Variants in MAP3K9 observed in about 807,000 individuals in gnomAD.
MAP3K9 encodes mitogen-activated protein kinase kinase kinase 9, also known as mixed lineage kinase 1 (tyr and ser/thr specificity).
A neutral mutation model predicts 95.8 loss-of-function variants in MAP3K9; 46 were observed. The observed-to-expected ratio is 0.48, with a 90% CI of 0.38 to 0.61. The LOEUF (loss-of-function observed/expected upper bound fraction) is 0.61. Among genes scored for constraint, MAP3K9 ranks in the 20% least tolerant of loss-of-function variants. The probability of loss-of-function intolerance (pLI) is 0.00; values close to 1 mark genes in which losing one functional copy is unlikely to be tolerated. For missense variants in MAP3K9, 1,296 were observed against 1,474.3 expected (o/e 0.88, Z 1.98); for synonymous variants, 533 against 593.8 (o/e 0.90, Z 1.49).
rs1438575044 is a variant in MAP3K9 at position 70,724,362 on chromosome 14, C to G, written c.*6018G>C. The G allele has an allele frequency of 6.6e-6, 1 of 152,062 alleles. No individual in the cohort carries two copies. Among genetic ancestry groups the G allele is most frequent in the African/African-American group, 2.4e-5 (1 of 41,398 alleles). The allele number at this position is 152,062 out of a possible 1,614,324, so 9.4% of individuals were successfully genotyped here. Reference sequence around the variant, plus strand: ...AAGCCTACACACTCCTATTTAAATGCGAGCACCGCCAGAGAGCCACTGCCT... The same window carrying G: ...AAGCCTACACACTCCTATTTAAATGGGAGCACCGCCAGAGAGCCACTGCCT... On this transcript the variant is annotated 3_prime_UTR_variant, in exon 12 of 12. Transcript: ENST00000554752.
chr14:70,739,967 G>C (rs1253371176), intron 7 of MAP3K9, 75 bp downstream of exon 7: 85 of 1,614,104 alleles, frequency 5.3e-5, no homozygotes, highest in Non-Finnish European at 7.2e-5. Context: ...GCCTGGACCA[G>C]TCGGTGGCTG....
chr14:70,762,386 T>A (rs2054388189), intron 2 of MAP3K9, among the ~76,000 whole-genome samples: 1 of 152,180 alleles, frequency 6.6e-6, no homozygotes. Flanking sequence ...TTTCTCCACA[T>A]CCTCACGAAT....
At chr14:70,765,735 TAA>T (rs10523480) in intron 2 of MAP3K9, among the ~76,000 whole-genome samples, 38,528 of 122,136 alleles carry the variant, frequency 0.32, 5,707 homozygotes, top group East Asian at 0.36. Context: ...CAACAACAGC[TAA>T]AAAAAAAAAA....
At chr14:70,747,686 G>GC (rs1453041683) in intron 5 of MAP3K9, among the ~76,000 whole-genome samples, 1 of 152,150 alleles carries the variant, frequency 6.6e-6, no homozygotes, top group Non-Finnish European at 1.5e-5. Context: ...GATGGCAGGA[G>GC]CCATAGGACT....
Position 70,730,221 on chromosome 14 carries a change from G to T in MAP3K9, c.*159C>A. On this transcript the variant is annotated 3_prime_UTR_variant, in exon 12 of 12. Transcript: ENST00000554752. The stretch of plus-strand genomic sequence containing the variant: ...GGCCCTGCAGGGCAGGAGACCCTCT[G>T]AAGTGGCCCTGTTTCCATCCCTTCC... 9.2e-7 allele frequency: 1 copy of T among 1,083,266 alleles called. No individual in the cohort carries two copies. Among genetic ancestry groups the T allele is most frequent in the Non-Finnish European group, 1.3e-6 (1 of 772,208 alleles). 67.1% of individuals were successfully genotyped at this position (1,083,266 alleles called of 1,614,324 possible).
At chr14:70,734,321 CT>C (rs1419453513) in intron 10 of MAP3K9, 64 bp downstream of exon 10, 1 of 1,135,094 alleles carries the variant, frequency 8.8e-7, no homozygotes, top group Non-Finnish European at 1.3e-6. Context: ...GTCCTAGAAG[CT>C]TGGGCAAGAA....
In MAP3K9 at chr14:70,738,256, C is replaced by T. The variant is rs7153601; in HGVS notation, c.1833G>A (p.Ser611=). The T allele has an allele frequency of 0.17, 269,803 of 1,608,694 alleles. 23,922 individuals carry two copies. The highest frequency in any genetic ancestry group is 0.3 in the East Asian group (13,267 of 44,488). ...PGTLGQKELA[S]GDEGSPQRRE... Reference sequence around the variant, plus strand: ...CATCTGGCACTTACCCTTCATCTCCCGAGGCAAGCTCCTTCTGACCAAGCG... The same window carrying T: ...CATCTGGCACTTACCCTTCATCTCCTGAGGCAAGCTCCTTCTGACCAAGCG... Residue 611 remains serine (S), a synonymous_variant, in exon 8 of 12, where the codon TCG becomes TCA. Transcript: ENST00000554752.
intron 10 of MAP3K9, chr14:70,733,687 G>A (rs1417595916): frequency 7.0e-6 from 5 of 716,920 alleles, no homozygotes; most frequent in Admixed American, 6.0e-5. Context: ...ACAGTTGCTG[G>A]GTGTGTCTGT....
In MAP3K9 at chr14:70,748,596, T is replaced by G. The variant is rs114717387; in HGVS notation, c.1326+233A>C. On this transcript the variant is annotated intron_variant, in intron 5 of 11. Coordinates refer to ENST00000554752, the MANE Select transcript of MAP3K9 (RefSeq NM_001284230.2). Reference sequence around the variant, plus strand: ...TATTTCCAGCTGGCAGGGTGAGACATTCCACTGTGAGAAAAGAAAAAAGGC... The same window carrying G: ...TATTTCCAGCTGGCAGGGTGAGACAGTCCACTGTGAGAAAAGAAAAAAGGC... Among the ~76,000 whole-genome samples, 401 of 152,080 alleles carry G rather than the reference T, an allele frequency of 2.6e-3. 1 individual carries two copies. Among genetic ancestry groups the G allele is most frequent in the African/African-American group, 9.3e-3 (385 of 41,452 alleles).
Position 70,732,561 on chromosome 14 carries a change from C to T in MAP3K9, c.2808G>A (p.Gly936=), listed in dbSNP as rs953891132. Residue 936 remains glycine, a synonymous_variant, in exon 11 of 12, where the codon GGG becomes GGA. Transcript: ENST00000554752. ...LLASRSPSSN[G]LSPSPGAGML... ...CACCTGCTCCAGGACTGGGGCTCAA[C>T]CCATTGCTGGAGGGGCTCCTGCTGG... 2 of 1,593,544 alleles carry T rather than the reference C, an allele frequency of 1.3e-6. No homozygotes were observed. Among genetic ancestry groups the T allele is most frequent in the Non-Finnish European group, 8.5e-7 (1 of 1,169,656 alleles).
At chr14:70,807,362 C>T (rs1175028371) in intron 1 of MAP3K9, among the ~76,000 whole-genome samples, 2 of 152,018 alleles carry the variant, frequency 1.3e-5, no homozygotes, top group African/African-American at 4.8e-5. Context: ...TGGTGGCGGG[C>T]GCCTGTAATC....
intron 2 of MAP3K9, among the ~76,000 whole-genome samples, chr14:70,769,878 T>C (rs1345218501): frequency 7.2e-5 from 11 of 152,218 alleles, no homozygotes. Context: ...AGATGGTATT[T>C]CCAAATTTCA....
At chr14:70,740,493 A>T (rs891135614) in intron 6 of MAP3K9, among the ~76,000 whole-genome samples, 1 of 152,206 alleles carries the variant, frequency 6.6e-6, no homozygotes, top group Non-Finnish European at 1.5e-5. Flanking sequence ...TATTCTAGGA[A>T]ATTTAACTTA....
chr14:70,766,511 A>G (rs1019208015), intron 2 of MAP3K9, among the ~76,000 whole-genome samples: 3 of 152,258 alleles, frequency 2.0e-5, no homozygotes, highest in African/African-American at 7.2e-5. Flanking sequence ...TTTGCTGTAT[A>G]GATAAATGGA....
At chr14:70,794,990 CTTTTTTTT>C (rs572010694) in intron 2 of MAP3K9, among the ~76,000 whole-genome samples, 1 of 76,818 alleles carries the variant, frequency 1.3e-5, no homozygotes, top group South Asian at 5.4e-4. Flanking sequence ...TTTTCTTTTC[CTTTTTTTT>C]TTTTTTTTTT....
chr14:70,745,614 TG>T (rs2054135786), intron 5 of MAP3K9, among the ~76,000 whole-genome samples: 2 of 152,030 alleles, frequency 1.3e-5, no homozygotes, highest in African/African-American at 4.8e-5. Context: ...GACGTGCACC[TG>T]TAATCCCAGC....
intron 2 of MAP3K9, among the ~76,000 whole-genome samples, chr14:70,779,208 C>A (rs527962867): frequency 6.6e-6 from 1 of 152,134 alleles, no homozygotes; most frequent in Non-Finnish European, 1.5e-5. Flanking sequence ...ACAGACCCTG[C>A]CAAGGAACTT....
Position 70,808,867 on chromosome 14 carries a change from C to T in MAP3K9, c.305G>A (p.Arg102Gln). The T allele has an allele frequency of 6.2e-7, 1 of 1,600,388 alleles. No homozygotes were observed. ...EGWWTGQLNQ[R>Q]VGIFPSNYVT... ...GTAGTTGCTGGGGAAGATGCCCACC[C>T]GCTGGTTCAGCTGCCCGGTCCACCA... Residue 102 changes from arginine (R) to glutamine (Q), a missense_variant, in exon 1 of 12, where the codon CGG (arginine) becomes CAG (glutamine). Physicochemically the swap from Arg to Gln is conservative, Grantham distance 43 (BLOSUM62 1). This residue lies in a region of MAP3K9 where 338 missense variants were observed against 363.4 expected (regional missense o/e 0.93). Transcript: ENST00000554752.
intron 3 of MAP3K9, among the ~76,000 whole-genome samples, chr14:70,756,425 G>C (rs1766903294): frequency 6.6e-6 from 1 of 152,178 alleles, no homozygotes; most frequent in Admixed American, 6.5e-5. Flanking sequence ...AGAGAGAGTT[G>C]AGTGTGACAA....
Sources: gnomAD v4.1 joint callset for allele counts (sites outside exome capture counted in the v4.1 genomes callset) on GRCh38, gnomAD v4.1.1 for gene constraint, gnomAD v4.1.1 regional missense constraint, MANE v1.5 for transcripts, NCBI Gene and HGNC (gene_info 2026-07-23, HGNC 2026-07-21) for gene names.